The following EHD2 variants were observed in gnomAD, a reference collection of about 807,000 sequenced individuals.
EHD2 encodes the protein EH domain-containing protein 2.
A neutral mutation model predicts 41.0 loss-of-function variants in EHD2; 27 were observed. That is an observed-to-expected ratio of 0.66 (90% CI 0.49 to 0.91). The LOEUF (loss-of-function observed/expected upper bound fraction) is 0.91, where lower values mean the gene tolerates loss of function less well. Ranked by LOEUF, EHD2 falls within the 40% of genes least tolerant of loss-of-function variation. The pLI is 0.00. For synonymous variants in EHD2, 342 were observed against 341.0 expected (o/e 1.00, Z -0.03); for missense variants, 673 against 773.9 (o/e 0.87, Z 1.55).
chr19:47,722,732 A>AT (rs1452815967), intron 3 of EHD2, among the ~76,000 whole-genome samples: 1 of 151,656 alleles, frequency 6.6e-6, no homozygotes, highest in Non-Finnish European at 1.5e-5. Context: ...CACCCAGCTA[A>AT]TTTTTTTGTA....
Position 47,718,372 on chromosome 19 carries a change from C to T in EHD2, c.405-137C>T, listed in dbSNP as rs145986173. ...ATAACTCTGAGATGGTCCTGGTTGC[C>T]CTTTTTCTGTCCGGTGTCTTTCTTC... On this transcript the variant is annotated intron_variant, in intron 2 of 5. Coordinates refer to ENST00000263277, the MANE Select transcript of EHD2 (RefSeq NM_014601.4). 2,594 of 670,940 alleles carry T rather than the reference C, an allele frequency of 3.9e-3. 11 individuals carry two copies. The highest frequency in any genetic ancestry group is 5.5e-3 in the Non-Finnish European group (2,132 of 389,978). 41.6% of individuals were successfully genotyped at this position (670,940 alleles called of 1,614,324 possible).
intron 5 of EHD2, among the ~76,000 whole-genome samples, chr19:47,739,736 C>T (rs1000341716): frequency 2.0e-5 from 3 of 151,464 alleles, no homozygotes; most frequent in African/African-American, 4.8e-5. Flanking sequence ...GTGTGAGCCA[C>T]CCAAGCCTGC....
intron 4 of EHD2, among the ~76,000 whole-genome samples, chr19:47,735,925 C>T (rs1223829254): frequency 1.3e-5 from 2 of 148,700 alleles, no homozygotes; most frequent in Non-Finnish European, 3.0e-5. Flanking sequence ...AGACTGGGCA[C>T]GGTGGCTCAC....
chr19:47,729,113 C>A lies in EHD2; in HGVS notation c.915+2889C>A, dbSNP rs558909354. Among the ~76,000 whole-genome samples, 35 of 152,302 alleles carry A rather than the reference C, an allele frequency of 2.3e-4. 1 individual carries two copies. In the South Asian group the frequency reaches 7.3e-3, roughly 32 times the overall value. ...AGGCAGTTCCAGGGCTCAGTCCTCA[C>A]TGGGGCTCCTGGAGAGGAGACAGAT... is the stretch of plus-strand genomic sequence containing the variant. On this transcript the variant is annotated intron_variant, in intron 4 of 5. Coordinates refer to ENST00000263277, the MANE Select transcript of EHD2 (RefSeq NM_014601.4).
At chr19:47,729,800 G>A (rs1191771650) in intron 4 of EHD2, 2 of 152,380 alleles carry the variant, frequency 1.3e-5, no homozygotes, top group African/African-American at 4.8e-5. Flanking sequence ...CTGCCCAGGC[G>A]GCTCTGCAGT....
intron 4 of EHD2, among the ~76,000 whole-genome samples, chr19:47,729,064 G>A (rs1973781811): frequency 6.6e-6 from 1 of 152,228 alleles, no homozygotes; most frequent in African/African-American, 2.4e-5. Flanking sequence ...CTGTCCTGCT[G>A]GGGCTCCCAG....
In EHD2 at chr19:47,718,615, G is replaced by A; in HGVS notation, c.502+9G>A. The A allele has an allele frequency of 6.4e-7, 1 of 1,556,514 alleles. No individual in the cohort carries two copies. The highest frequency in any genetic ancestry group is 8.7e-7 in the Non-Finnish European group (1 of 1,149,194). ...GCAGAGAGTGAGCCGCGGTGAGTGG[G>A]GCCAGACCCTGGGGTCTGAGGGAGG... is the stretch of plus-strand genomic sequence containing the variant. On this transcript the variant is annotated intron_variant, in intron 3 of 5. Coordinates refer to ENST00000263277, the MANE Select transcript of EHD2 (RefSeq NM_014601.4).
intron 5 of EHD2, among the ~76,000 whole-genome samples, chr19:47,739,358 T>C (rs909823524): frequency 1.4e-5 from 2 of 146,576 alleles, no homozygotes; most frequent in Non-Finnish European, 3.0e-5. Flanking sequence ...CCCAGCACTT[T>C]GGGAGGCCGA....
chr19:47,726,416 T>G (rs1973753148), intron 4 of EHD2, 192 bp downstream of exon 4: 8 of 544,190 alleles, frequency 1.5e-5, no homozygotes. Context: ...TTTGGATTTC[T>G]GTGTCAACTC....
At chr19:47,739,098 C>T (rs978659697) in intron 5 of EHD2, among the ~76,000 whole-genome samples, 1 of 151,864 alleles carries the variant, frequency 6.6e-6, no homozygotes, top group African/African-American at 2.4e-5. Context: ...TCTCTCCCCC[C>T]CTGCACACTT....
At position 47,719,946 on chromosome 19, in the gene EHD2, A is replaced by ATGTGTGTG. The variant is rs59665711; in HGVS notation, c.502+1357_502+1364dup. On this transcript the variant is annotated intron_variant, in intron 3 of 5. Coordinates refer to ENST00000263277, the MANE Select transcript of EHD2 (RefSeq NM_014601.4). This position sits in a 1 kb window ranked among gnomAD's most constrained non-coding sequence, Gnocchi z 4.1. ...AGAGTGTCCAGCTGTTGGTGTGTAT[A>ATGTGTGTG]TGTGTGTGTGTGTGTGTGTGTGTGA... Among the ~76,000 whole-genome samples the ATGTGTGTG allele has an allele frequency of 0.12, 17,089 of 146,866 alleles. 1,099 individuals carry two copies. The highest frequency in any genetic ancestry group is 0.16 in the East Asian group (786 of 4,956).
intron 2 of EHD2, among the ~76,000 whole-genome samples, chr19:47,717,998 C>T (rs896246399): frequency 4.7e-5 from 7 of 150,026 alleles, no homozygotes; most frequent in South Asian, 2.1e-4. Context: ...GGTGGCCGGG[C>T]GCAGTGTCTC....
intron 4 of EHD2, chr19:47,731,314 A>ATACATATATAT (rs1160770476): frequency 2.6e-5 from 3 of 113,986 alleles, no homozygotes; most frequent in South Asian, 2.9e-4. Context: ...ATATATATAT[A>ATACATATATAT]ATTTTTTTTT....
intron 3 of EHD2, among the ~76,000 whole-genome samples, chr19:47,718,898 T>TG (rs760442353): frequency 8.8e-5 from 8 of 91,038 alleles, no homozygotes; most frequent in African/African-American, 3.6e-4. Flanking sequence ...GAGGAGGAGC[T>TG]GGGGCCTGGA....
In EHD2 at chr19:47,742,252, A is replaced by C; in HGVS notation, c.*820A>C. Reference sequence around the variant, plus strand: ...TTTGTTTTTGCCCCCAGTTCTGTCCACACCCCTTCCCTTTCCTGTCCTGTC... The same window carrying C: ...TTTGTTTTTGCCCCCAGTTCTGTCCCCACCCCTTCCCTTTCCTGTCCTGTC... On this transcript the variant is annotated 3_prime_UTR_variant, in exon 6 of 6. Transcript: ENST00000263277. 3.2e-6 allele frequency: 1 copy of C among 310,530 alleles called. No individual in the cohort carries two copies. Among genetic ancestry groups the C allele is most frequent in the Non-Finnish European group, 6.1e-6 (1 of 163,972 alleles). The allele number at this position is 310,530 out of a possible 1,614,324, so 19.2% of individuals were successfully genotyped here.
chr19:47,729,141 A>C (rs1265451130), intron 4 of EHD2, among the ~76,000 whole-genome samples: 1 of 152,076 alleles, frequency 6.6e-6, no homozygotes, highest in African/African-American at 2.4e-5. Context: ...AGACAGATCC[A>C]TCCCCAGGCA....
At position 47,719,990 on chromosome 19, in the gene EHD2, A is replaced by G. The variant is rs1052992663; in HGVS notation, c.502+1384A>G. ...TGTGTGACTTTGTGTATATCTTGGG[A>G]AAGTGTGTCATTATGAGTGTACTCC... On this transcript the variant is annotated intron_variant, in intron 3 of 5. Transcript: ENST00000263277. The surrounding 1 kb of genome is among the most constrained non-coding windows in gnomAD (Gnocchi z 4.1). Among the ~76,000 whole-genome samples the G allele has an allele frequency of 1.9e-4, 27 of 139,904 alleles. No individual in the cohort carries two copies. In the South Asian group the frequency reaches 4.3e-3, roughly 22 times the overall value. 91.8% of individuals were successfully genotyped at this position (139,904 alleles called of 152,430 possible).
intron 5 of EHD2, 116 bp downstream of exon 5, chr19:47,736,649 C>A: frequency 2.5e-6 from 3 of 1,209,134 alleles, no homozygotes; most frequent in South Asian, 1.7e-5. Flanking sequence ...CTGGAAAGCG[C>A]CTCCCTCAAA....
rs566182875 is a variant in EHD2, at chr19:47,736,208, A to G, written c.916-161A>G. ...GAGACTCCGTCTCAAAGAAAAAAAA[A>G]GAGAGAGAGAGAGAGAAAAAGAAAT... On this transcript the variant is annotated intron_variant, in intron 4 of 5. Coordinates refer to ENST00000263277, the MANE Select transcript of EHD2 (RefSeq NM_014601.4). 2.0e-4 allele frequency among the ~76,000 whole-genome samples: 30 copies of G among 151,516 alleles called. 1 individual carries two copies. In the South Asian group the frequency reaches 6.2e-3, roughly 32 times the overall value.
Sources: gnomAD v4.1 joint callset for allele counts (sites outside exome capture counted in the v4.1 genomes callset) on GRCh38, gnomAD v4.1.1 for gene constraint, Gnocchi (gnomAD v3.1) non-coding constraint, MANE v1.5 for transcripts, NCBI Gene and HGNC (gene_info 2026-07-23, HGNC 2026-07-21) for gene names.